Variants in CDH11 observed in about 807,000 individuals in gnomAD.
The protein encoded by CDH11 is cadherin-11.
CDH11 carries 11 observed loss-of-function variants against 67.8 expected under a neutral mutation model. The observed-to-expected ratio is 0.16, with a 90% confidence interval of 0.10 to 0.27. The LOEUF is 0.27. CDH11 is among the 10% of genes least tolerant of loss of function. The pLI, the probability that CDH11 is intolerant of heterozygous loss-of-function variation, is 1.00. For synonymous variants in CDH11, 419 were observed against 400.0 expected, an observed-to-expected ratio of 1.05 and a Z score of -0.57; for missense variants, 847 against 1,031.2, an observed-to-expected ratio of 0.82 and a Z score of 2.45.
At chr16:65,066,138 C>T (rs187957690) in intron 1 of CDH11, among the ~76,000 whole-genome samples, 7 of 152,326 alleles carry the variant, frequency 4.6e-5, no homozygotes, top group Admixed American at 4.6e-4. Flanking sequence ...CATTGCTTTG[C>T]CTCAACTTAC....
At chr16:64,972,802 CA>C in intron 9 of CDH11, 101 bp downstream of exon 9, 1 of 1,254,064 alleles carries the variant, frequency 8.0e-7, no homozygotes. Flanking sequence ...TGTTTAAGAC[CA>C]AAAAAGTTAG....
intron 2 of CDH11, among the ~76,000 whole-genome samples, chr16:65,012,680 T>C (rs947964821): frequency 1.3e-5 from 2 of 152,230 alleles, no homozygotes; most frequent in Admixed American, 6.5e-5. Flanking sequence ...GATCTGTTCC[T>C]GAATTTCTGT....
At chr16:64,995,852 C>G (rs950473116) in intron 4 of CDH11, among the ~76,000 whole-genome samples, 10 of 152,062 alleles carry the variant, frequency 6.6e-5, no homozygotes, top group Non-Finnish European at 1.3e-4. Context: ...ACACACCCAA[C>G]AAAGGTCTAG....
At chr16:64,971,783 A>G in intron 10 of CDH11, 87 bp from the exon 11 acceptor site, 3 of 1,393,698 alleles carry the variant, frequency 2.2e-6, no homozygotes, top group Non-Finnish European at 3.0e-6. Flanking sequence ...AGAAAGCCTG[A>G]TTTTAATTAG....
intron 11 of CDH11, among the ~76,000 whole-genome samples, chr16:64,964,717 T>G (rs1450865606): frequency 6.6e-6 from 1 of 151,608 alleles, no homozygotes; most frequent in East Asian, 2.0e-4. Context: ...CCCGGATAAT[T>G]TTTTGTATTT....
At chr16:65,038,591 T>C (rs2073800987) in intron 2 of CDH11, among the ~76,000 whole-genome samples, 2 of 152,216 alleles carry the variant, frequency 1.3e-5, no homozygotes, top group African/African-American at 4.8e-5. Flanking sequence ...GGACATCTAA[T>C]TCTAAGCCTT....
rs369196467 is a variant in CDH11, at chr16:65,004,636, C to A, written c.228+6G>T. The A allele has an allele frequency of 6.8e-6, 11 of 1,610,424 alleles. No individual in the cohort carries two copies. In the East Asian group the frequency reaches 8.9e-5, roughly 13 times the overall value. On this transcript the variant is annotated splice_donor_region_variant and intron_variant, in intron 3 of 12. Coordinates refer to ENST00000268603, the MANE Select transcript of CDH11 (RefSeq NM_001797.4). ...AAAGCTCAGGATTGAGGGAAGGCAGCCTTACCCTGCCCACAAGCACGGGGT... is the reference window on the plus strand; with the variant it reads ...AAAGCTCAGGATTGAGGGAAGGCAGACTTACCCTGCCCACAAGCACGGGGT...
intron 11 of CDH11, among the ~76,000 whole-genome samples, chr16:64,959,492 G>A (rs894314711): frequency 1.3e-5 from 2 of 152,130 alleles, no homozygotes; most frequent in Non-Finnish European, 2.9e-5. Flanking sequence ...CAGTGACCAC[G>A]TGCAACCTTG....
intron 1 of CDH11, among the ~76,000 whole-genome samples, chr16:65,108,368 C>T (rs552086916): frequency 2.0e-5 from 3 of 152,252 alleles, no homozygotes; most frequent in Admixed American, 6.5e-5. Context: ...GGAAGGCAAG[C>T]GTCCCCAGCT....
At chr16:65,028,323 T>G (rs933939494) in intron 2 of CDH11, among the ~76,000 whole-genome samples, 2 of 152,142 alleles carry the variant, frequency 1.3e-5, no homozygotes, top group African/African-American at 2.4e-5. Context: ...GCTTGGGTCC[T>G]GTCGGGGCAG....
intron 8 of CDH11, among the ~76,000 whole-genome samples, chr16:64,976,788 C>G (rs2072182846): frequency 6.6e-6 from 1 of 152,116 alleles, no homozygotes; most frequent in South Asian, 2.1e-4. Flanking sequence ...GCGGAGGTTG[C>G]AGTGAGCTGG....
chr16:64,981,039 C>T (rs1437090662), intron 8 of CDH11: 1 of 152,454 alleles, frequency 6.6e-6, no homozygotes, highest in African/African-American at 2.4e-5. Flanking sequence ...GTCATTAGCT[C>T]AGGATGAAGA....
rs775665243 is a variant in CDH11 at position 64,992,937 on chromosome 16, A to G, written c.621T>C (p.Tyr207=). The G allele has an allele frequency of 4.3e-5, 69 of 1,613,540 alleles. No individual in the cohort carries two copies. Among genetic ancestry groups the G allele is most frequent in the Non-Finnish European group, 5.8e-5 (69 of 1,179,620 alleles). ...TACCTGTCTGTGCTTCCACCGAAAA[A>G]TAGGGTTGTCCTTCGAGGATACTGT... ...LVYSILEGQP[Y]FSVEAQTGII... is the part of the protein sequence containing the mutation. The change falls in exon 5 of 13, where the codon TAT becomes TAC. Residue 207 remains tyrosine (Y), a synonymous_variant. Transcript: ENST00000268603.
chr16:64,960,451 A>G (rs900649386), intron 11 of CDH11, among the ~76,000 whole-genome samples: 15 of 152,120 alleles, frequency 9.9e-5, no homozygotes, highest in African/African-American at 3.1e-4. Context: ...AGACAAGGAA[A>G]TGTGTTATAC....
chr16:65,106,016 G>C (rs896358089), intron 1 of CDH11, among the ~76,000 whole-genome samples: 10 of 152,304 alleles, frequency 6.6e-5, no homozygotes, highest in Admixed American at 6.5e-4. Context: ...TGAGAACTAT[G>C]TTCTGAGTTT....
chr16:65,110,906 A>C (rs1352977898), intron 1 of CDH11, among the ~76,000 whole-genome samples: 1 of 152,190 alleles, frequency 6.6e-6, no homozygotes, highest in East Asian at 1.9e-4. Context: ...AGCATGAGCT[A>C]AATGGAATGA....
chr16:64,974,866 G>T (rs1312101221), intron 8 of CDH11, among the ~76,000 whole-genome samples: 1 of 152,330 alleles, frequency 6.6e-6, no homozygotes, highest in African/African-American at 2.4e-5. Context: ...AAGGGCATGA[G>T]TTTTGGGTTT....
chr16:65,049,310 TAC>T (rs1408505518), intron 2 of CDH11, among the ~76,000 whole-genome samples: 1 of 152,114 alleles, frequency 6.6e-6, no homozygotes, highest in African/African-American at 2.4e-5. Flanking sequence ...GAAGTCAAGG[TAC>T]AAAAGAATTG....
chr16:65,056,428 G>T (rs1302619896), intron 1 of CDH11, among the ~76,000 whole-genome samples: 2 of 152,120 alleles, frequency 1.3e-5, no homozygotes, highest in African/African-American at 4.8e-5. Context: ...ATACCTAAAT[G>T]AATTCAATCA....
Sources: gnomAD v4.1 joint callset for allele counts (sites outside exome capture counted in the v4.1 genomes callset) on GRCh38, gnomAD v4.1.1 for gene constraint, MANE v1.5 for transcripts, NCBI Gene and HGNC (gene_info 2026-07-23, HGNC 2026-07-21) for gene names.